The following SENP1 variants were observed in gnomAD, a reference collection of about 807,000 sequenced individuals.
The protein encoded by SENP1 is sentrin-specific protease 1.
A neutral mutation model predicts 93.0 loss-of-function variants in SENP1; 21 were observed. That is an observed-to-expected ratio of 0.23 (90% confidence interval 0.16 to 0.33). The LOEUF (loss-of-function observed/expected upper bound fraction) is 0.33. SENP1 is among the 10% of genes least tolerant of loss of function. The pLI is 1.00. For missense variants in SENP1, 591 were observed against 758.7 expected (o/e 0.78, Z 2.60); for synonymous variants, 256 against 259.6 (o/e 0.99, Z 0.13).
chr12:48,079,220 C>A (rs1944344265), intron 6 of SENP1, among the ~76,000 whole-genome samples: 2 of 151,942 alleles, frequency 1.3e-5, no homozygotes, highest in Non-Finnish European at 2.9e-5. Context: ...AAATTAGGGG[C>A]TGGGCACGGT....
At chr12:48,094,503 A>C (rs1945425040) in intron 4 of SENP1, among the ~76,000 whole-genome samples, 1 of 152,138 alleles carries the variant, frequency 6.6e-6, no homozygotes, top group Admixed American at 6.5e-5. Flanking sequence ...AACATGGCGA[A>C]ACCCCATCTC....
At chr12:48,067,037 T>C (rs1592354670) in intron 9 of SENP1, 72 bp from the exon 10 acceptor site, 2 of 1,000,474 alleles carry the variant, frequency 2.0e-6, no homozygotes, top group East Asian at 2.6e-5. Context: ...TTTTCATCAA[T>C]AAAAACAATC....
chr12:48,048,944 T>C lies in SENP1; in HGVS notation c.1596A>G (p.Val532=). 6.2e-7 allele frequency: 1 copy of C among 1,612,072 alleles called. No individual in the cohort carries two copies. The highest frequency in any genetic ancestry group is 8.5e-7 in the Non-Finnish European group (1 of 1,178,292). The stretch of plus-strand genomic sequence containing the variant: ...GGGTACTCACAGCTAGACACCAGTG[T>C]ACTCCCAGGTGAATGGGCACCAAAA... ...DILLVPIHLG[V]HWCLAVVDFR... The change falls in exon 14 of 18, where the codon GTA becomes GTG. Residue 532 remains valine, a synonymous_variant. Coordinates refer to ENST00000549518, the MANE Select transcript of SENP1 (RefSeq NM_001267594.2).
intron 13 of SENP1, among the ~76,000 whole-genome samples, chr12:48,056,069 GTA>G: frequency 8.2e-6 from 1 of 121,332 alleles, no homozygotes; most frequent in South Asian, 2.5e-4. Flanking sequence ...TTAATATACA[GTA>G]TATATTATAT....
At chr12:48,046,333 T>C (rs768281892) in intron 17 of SENP1, 23 bp downstream of exon 17, 11 of 1,523,716 alleles carry the variant, frequency 7.2e-6, no homozygotes, top group Admixed American at 6.7e-5. Context: ...ATCCTAGAGC[T>C]CCCTATGGAA....
At chr12:48,047,909 C>G (rs1018973) in intron 15 of SENP1, 92 bp downstream of exon 15, 178,487 of 783,708 alleles carry the variant, frequency 0.23, 25,611 homozygotes, top group East Asian at 0.56. Context: ...ATCAATCACT[C>G]CATTGAAGGT....
At chr12:48,070,592 G>T (rs1943620445) in intron 9 of SENP1, among the ~76,000 whole-genome samples, 2 of 152,138 alleles carry the variant, frequency 1.3e-5, no homozygotes, top group African/African-American at 2.4e-5. Context: ...GCACACAGTA[G>T]GCTCTCAGTA....
At chr12:48,086,250 G>A (rs1211128888) in intron 5 of SENP1, among the ~76,000 whole-genome samples, 1 of 152,122 alleles carries the variant, frequency 6.6e-6, no homozygotes, top group Non-Finnish European at 1.5e-5. Context: ...TTTCCCATAG[G>A]AAACACATTT....
At chr12:48,089,502 T>G (rs1354772803) in intron 4 of SENP1, among the ~76,000 whole-genome samples, 1 of 152,218 alleles carries the variant, frequency 6.6e-6, no homozygotes, top group Non-Finnish European at 1.5e-5. Flanking sequence ...GAATGACCCA[T>G]CATATATATC....
chr12:48,081,648 G>A (rs750038674), intron 6 of SENP1, among the ~76,000 whole-genome samples: 2 of 141,162 alleles, frequency 1.4e-5, no homozygotes, highest in African/African-American at 5.3e-5. Flanking sequence ...ACAGCTGACC[G>A]TAGCCTTGAA....
chr12:48,097,305 A>G lies in SENP1; in HGVS notation c.135+689T>C, dbSNP rs1945634154. The stretch of plus-strand genomic sequence containing the variant: ...ATCTGGAAATGTGTGGATATATATT[A>G]ACTATTAAAATGATTATGGGGGGAG... On this transcript the variant is annotated intron_variant, in intron 3 of 17. Coordinates refer to ENST00000549518, the MANE Select transcript of SENP1 (RefSeq NM_001267594.2). Among the ~76,000 whole-genome samples the G allele has an allele frequency of 2.0e-5, 3 of 152,162 alleles. No homozygotes were observed. The South Asian group carries it at 6.2e-4, about 32-fold the overall frequency.
chr12:48,061,279 A>G (rs1421058401), intron 13 of SENP1, among the ~76,000 whole-genome samples: 1 of 152,238 alleles, frequency 6.6e-6, no homozygotes, highest in Non-Finnish European at 1.5e-5. Flanking sequence ...TACATCTTAT[A>G]AAGCAGGAAA....
chr12:48,083,747 A>G lies in SENP1; in HGVS notation c.396T>C (p.Ser132=), dbSNP rs184048866. 4.4e-6 allele frequency: 7 copies of G among 1,605,532 alleles called. No homozygotes were observed. The Admixed American group carries it at 8.6e-5, about 20-fold the overall frequency. ...AGTGATGGTTTGACTTTCCCGCAAAACTGTTTGATAATCCACTAAAAAAAG... is the reference window on the plus strand; with the variant it reads ...AGTGATGGTTTGACTTTCCCGCAAAGCTGTTTGATAATCCACTAAAAAAAG... ...TRKTSSGLSN[S]FAGKSNHHCH... is the part of the protein sequence containing the mutation. Residue 132 remains serine, a synonymous_variant, in exon 6 of 18, where the codon AGT becomes AGC. Coordinates refer to ENST00000549518, the MANE Select transcript of SENP1 (RefSeq NM_001267594.2).
chr12:48,096,457 C>T (rs1342762921), intron 3 of SENP1, 30 bp from the exon 4 acceptor site: 1 of 1,422,670 alleles, frequency 7.0e-7, no homozygotes, highest in African/African-American at 1.4e-5. Flanking sequence ...TTTCTTAAGT[C>T]ACATTTTTTT....
chr12:48,078,334 TACACACACATATATATATAC>T (rs1289128135), intron 6 of SENP1, among the ~76,000 whole-genome samples: 9 of 67,896 alleles, frequency 1.3e-4, no homozygotes, highest in African/African-American at 2.4e-4. Flanking sequence ...TATATATATA[TACACACACATATATATATAC>T]ACACACACAC....
At position 48,101,657 on chromosome 12, in the gene SENP1, T is replaced by A. The variant is rs1355171910; in HGVS notation, c.-44-141A>T. ...CTAAGGTGGTAAAGAGTTGACTTGATGGGAAAAGAGTAAAAACTAAAACTA... is the reference window on the plus strand; with the variant it reads ...CTAAGGTGGTAAAGAGTTGACTTGAAGGGAAAAGAGTAAAAACTAAAACTA... On this transcript the variant is annotated intron_variant, in intron 1 of 17. Transcript: ENST00000549518. 1.4e-5 allele frequency: 8 copies of A among 557,706 alleles called. No homozygotes were observed. In the East Asian group the frequency reaches 2.3e-4, roughly 16 times the overall value. The allele number at this position is 557,706 out of a possible 1,614,324, so 34.5% of individuals were successfully genotyped here.
intron 5 of SENP1, chr12:48,088,406 T>C (rs565569232): frequency 4.2e-4 from 75 of 177,066 alleles, no homozygotes; most frequent in Middle Eastern, 5.2e-3. Flanking sequence ...ACTTGACTAA[T>C]GCCATGAGGT....
chr12:48,068,624 G>A (rs1184495893), intron 9 of SENP1, among the ~76,000 whole-genome samples: 1 of 152,062 alleles, frequency 6.6e-6, no homozygotes, highest in Non-Finnish European at 1.5e-5. Flanking sequence ...GGAGGAATAA[G>A]TACTTGGGCT....
intron 13 of SENP1, among the ~76,000 whole-genome samples, chr12:48,052,943 A>C (rs1198471330): frequency 6.6e-6 from 1 of 152,178 alleles, no homozygotes; most frequent in Non-Finnish European, 1.5e-5. Context: ...CATCATAGTC[A>C]CTTAACTAAT....
Sources: gnomAD v4.1 joint callset for allele counts (sites outside exome capture counted in the v4.1 genomes callset) on GRCh38, gnomAD v4.1.1 for gene constraint, MANE v1.5 for transcripts, NCBI Gene and HGNC (gene_info 2026-07-23, HGNC 2026-07-21) for gene names.